ROBO1: variants seen among roughly 807,000 people sequenced by gnomAD.
ROBO1 encodes the protein roundabout homolog 1.
Under a neutral mutation model 195.9 loss-of-function variants are expected in ROBO1, and 149 were observed. The observed-to-expected ratio is 0.76, with a 90% CI of 0.67 to 0.87. The LOEUF (loss-of-function observed/expected upper bound fraction) is 0.87, where lower values mean the gene tolerates loss of function less well. Among genes scored for constraint, ROBO1 ranks in the 40% least tolerant of loss-of-function variants. The pLI is 0.00. For synonymous variants in ROBO1, 816 were observed against 733.2 expected (o/e 1.11, Z -1.82); for missense variants, 1,933 against 2,068.3 (o/e 0.93, Z 1.27).
chr3:78,700,629 C>A (rs1391866805), intron 8 of ROBO1, among the ~76,000 whole-genome samples: 1 of 152,174 alleles, frequency 6.6e-6, no homozygotes, highest in Non-Finnish European at 1.5e-5. Context: ...ACCCCTTCAG[C>A]AGCTCTGTAA....
chr3:78,887,018 G>C (rs531904800), intron 4 of ROBO1, among the ~76,000 whole-genome samples: 2 of 152,092 alleles, frequency 1.3e-5, no homozygotes, highest in South Asian at 4.1e-4. Context: ...GCATATTTCA[G>C]TTAAATTTGT....
At chr3:78,742,185 C>A (rs1201330764) in intron 5 of ROBO1, among the ~76,000 whole-genome samples, 2 of 151,998 alleles carry the variant, frequency 1.3e-5, no homozygotes, top group African/African-American at 4.8e-5. Flanking sequence ...TTCCTATAAC[C>A]AAAACTGTAG....
chr3:79,122,419 G>A (rs903730955), intron 3 of ROBO1, among the ~76,000 whole-genome samples: 1 of 151,924 alleles, frequency 6.6e-6, no homozygotes, highest in Middle Eastern at 3.4e-3. Context: ...TTCTAGAGAT[G>A]GTAAGGAGAA....
At chr3:78,865,151 A>G (rs1486567049) in intron 4 of ROBO1, among the ~76,000 whole-genome samples, 2 of 152,166 alleles carry the variant, frequency 1.3e-5, no homozygotes, top group Non-Finnish European at 2.9e-5. Context: ...TGACTTATTA[A>G]TTTGAACTGG....
At chr3:79,422,256 AAAT>A (rs1289503617) in intron 2 of ROBO1, among the ~76,000 whole-genome samples, 1 of 150,786 alleles carries the variant, frequency 6.6e-6, no homozygotes, top group Non-Finnish European at 1.5e-5. Flanking sequence ...CAAGTGAAAT[AAAT>A]AATATTTTGA....
rs577407343 is a variant in ROBO1 at position 79,386,275 on chromosome 3, T to C, written c.88+203549A>G. Among the ~76,000 whole-genome samples the C allele has an allele frequency of 3.9e-5, 6 of 152,260 alleles. 1 individual carries two copies. The highest frequency in any genetic ancestry group is 1.4e-4 in the African/African-American group (6 of 41,554). Reference sequence around the variant, plus strand: ...GGAGTTTTATTTGCCTACTAATCTATTTATATAAGTAATTTTTATTTTTGT... The same window carrying C: ...GGAGTTTTATTTGCCTACTAATCTACTTATATAAGTAATTTTTATTTTTGT... On this transcript the variant is annotated intron_variant, in intron 2 of 30. Coordinates refer to ENST00000464233, the MANE Select transcript of ROBO1 (RefSeq NM_002941.4).
chr3:78,634,345 A>C (rs890934056), intron 23 of ROBO1: 7 of 168,164 alleles, frequency 4.2e-5, no homozygotes, highest in African/African-American at 1.7e-4. Context: ...GAAACCTGTC[A>C]GCAAGGTTAT....
At chr3:79,554,544 C>T (rs1208418224) in intron 2 of ROBO1, among the ~76,000 whole-genome samples, 1 of 151,936 alleles carries the variant, frequency 6.6e-6, no homozygotes, top group Non-Finnish European at 1.5e-5. Flanking sequence ...AAAATAATGG[C>T]AACAGAAGGC....
At chr3:79,022,875 C>CT (rs1043616597) in intron 3 of ROBO1, among the ~76,000 whole-genome samples, 6 of 152,074 alleles carry the variant, frequency 3.9e-5, no homozygotes, top group African/African-American at 1.4e-4. Flanking sequence ...TGAAGAAGGG[C>CT]TTTTTGACGG....
intron 3 of ROBO1, among the ~76,000 whole-genome samples, chr3:79,117,756 A>G (rs2080034457): frequency 1.3e-5 from 2 of 152,172 alleles, no homozygotes; most frequent in Non-Finnish European, 2.9e-5. Flanking sequence ...CGTACTTTTC[A>G]CTTAGCCCTC....
intron 3 of ROBO1, among the ~76,000 whole-genome samples, chr3:78,988,203 C>G (rs1346471859): frequency 6.6e-6 from 1 of 152,030 alleles, no homozygotes; most frequent in Non-Finnish European, 1.5e-5. Flanking sequence ...TTCTCTCATT[C>G]TTTTACAACT....
At chr3:79,176,368 C>G (rs537965043) in intron 2 of ROBO1, among the ~76,000 whole-genome samples, 1 of 152,254 alleles carries the variant, frequency 6.6e-6, no homozygotes, top group Admixed American at 6.5e-5. Context: ...GCTAGTGTAT[C>G]ATATTTTGTC....
At chr3:79,309,661 G>A (rs570314659) in intron 2 of ROBO1, among the ~76,000 whole-genome samples, 3 of 151,722 alleles carry the variant, frequency 2.0e-5, no homozygotes, top group African/African-American at 7.3e-5. Context: ...GAATAAAGAG[G>A]GCCTAATTGT....
intron 3 of ROBO1, among the ~76,000 whole-genome samples, chr3:79,091,294 C>G (rs1018917878): frequency 6.6e-6 from 1 of 152,028 alleles, no homozygotes; most frequent in Non-Finnish European, 1.5e-5. Flanking sequence ...GTCCATTGCA[C>G]TATTTGTTTG....
chr3:79,583,477 A>T (rs1198701132), intron 2 of ROBO1, among the ~76,000 whole-genome samples: 3 of 151,914 alleles, frequency 2.0e-5, no homozygotes, highest in Non-Finnish European at 2.9e-5. Flanking sequence ...CTGCCCATTT[A>T]TTCATGAATT....
chr3:78,690,091 G>T (rs2081138317), intron 8 of ROBO1, among the ~76,000 whole-genome samples: 1 of 149,062 alleles, frequency 6.7e-6, no homozygotes, highest in Non-Finnish European at 1.5e-5. Context: ...CTGGGTATTT[G>T]AATTTATAGG....
At chr3:79,526,665 C>T (rs1416761156) in intron 2 of ROBO1, 2 of 152,150 alleles carry the variant, frequency 1.3e-5, no homozygotes, top group Non-Finnish European at 2.9e-5. Flanking sequence ...TTGTGAAGTT[C>T]ACATCACTAA....
intron 4 of ROBO1, among the ~76,000 whole-genome samples, chr3:78,811,612 C>T (rs1013198209): frequency 6.6e-6 from 1 of 152,060 alleles, no homozygotes; most frequent in Admixed American, 6.6e-5. Flanking sequence ...CTCTCCTACT[C>T]ACCTCTCCTC....
intron 2 of ROBO1, among the ~76,000 whole-genome samples, chr3:79,378,154 ACTCT>A (rs3057946): frequency 8.9e-5 from 13 of 146,738 alleles, no homozygotes; most frequent in Middle Eastern, 3.5e-3. Flanking sequence ...TCTTATGGTC[ACTCT>A]CTCTCTCTCT....
Sources: gnomAD v4.1 joint callset for allele counts (sites outside exome capture counted in the v4.1 genomes callset) on GRCh38, gnomAD v4.1.1 for gene constraint, MANE v1.5 for transcripts, NCBI Gene and HGNC (gene_info 2026-07-23, HGNC 2026-07-21) for gene names.